Variants in USH2A observed in about 807,000 individuals in gnomAD.
USH2A encodes Usher syndrome 2A (autosomal recessive, mild).
USH2A carries 443 observed loss-of-function variants against 538.9 expected under a neutral mutation model. The ratio of observed to expected loss-of-function variants is 0.82; its 90% CI spans 0.76 to 0.89. The LOEUF is 0.89. USH2A is among the 40% of genes least tolerant of loss of function. USH2A has a pLI of 0.00. For missense variants in USH2A, 6,633 were observed against 6,324.8 expected, an observed-to-expected ratio of 1.05 and a Z score of -1.65; for synonymous variants, 2,413 against 2,273.5, an observed-to-expected ratio of 1.06 and a Z score of -1.75.
At chr1:215,776,676 G>T (rs1256781844) in intron 55 of USH2A, among the ~76,000 whole-genome samples, 1 of 152,028 alleles carries the variant, frequency 6.6e-6, no homozygotes, top group East Asian at 1.9e-4. Flanking sequence ...TATCCTAGGG[G>T]GTTCAGGCAG....
At chr1:215,705,883 C>A (rs755073189) in intron 61 of USH2A, among the ~76,000 whole-genome samples, 1 of 152,224 alleles carries the variant, frequency 6.6e-6, no homozygotes. Context: ...CATCTGACTA[C>A]TATATTCAGT....
chr1:215,763,838 A>G (rs1008120111), intron 56 of USH2A, among the ~76,000 whole-genome samples: 3 of 152,148 alleles, frequency 2.0e-5, no homozygotes, highest in African/African-American at 7.2e-5. Context: ...GCAGTGTTAA[A>G]AGGGACGGGA....
intron 9 of USH2A, among the ~76,000 whole-genome samples, chr1:216,312,192 A>C (rs750850041): frequency 2.6e-5 from 4 of 151,712 alleles, no homozygotes; most frequent in African/African-American, 7.3e-5. Context: ...TTCTGTCAAC[A>C]CCTAACTATT....
intron 64 of USH2A, among the ~76,000 whole-genome samples, chr1:215,655,157 C>T (rs4655413): frequency 0.22 from 32,877 of 152,134 alleles, 4,479 homozygotes; most frequent in South Asian, 0.52. Context: ...GCGCTTTTTA[C>T]ACCCAATATT....
intron 38 of USH2A, among the ~76,000 whole-genome samples, chr1:215,914,069 T>C (rs75325742): frequency 3.8e-5 from 1 of 26,154 alleles, no homozygotes; most frequent in Non-Finnish European, 1.0e-4. Context: ...AGCAACAGAC[T>C]TTTTTTTTTT....
At chr1:216,013,411 T>G (rs1352303874) in intron 32 of USH2A, among the ~76,000 whole-genome samples, 4 of 151,414 alleles carry the variant, frequency 2.6e-5, no homozygotes, top group East Asian at 3.9e-4. Context: ...TCCCAACACT[T>G]TACCACTATT....
In USH2A at chr1:215,891,303, C is replaced by T. The variant is rs1571786371; in HGVS notation, c.7595-2249G>A. Among the ~76,000 whole-genome samples, 3 of 152,272 alleles carry T rather than the reference C, an allele frequency of 2.0e-5. No individual in the cohort carries two copies. In the East Asian group the frequency reaches 5.8e-4, roughly 29 times the overall value. Reference sequence around the variant, plus strand: ...CTGCTCTGGCTGAGTAGATTCGCTGCTCTTGTTGCAGAAGGGTCCTTTAAC... The same window carrying T: ...CTGCTCTGGCTGAGTAGATTCGCTGTTCTTGTTGCAGAAGGGTCCTTTAAC... On this transcript the variant is annotated intron_variant, in intron 40 of 71. Coordinates refer to ENST00000307340, the MANE Select transcript of USH2A (RefSeq NM_206933.4).
At chr1:215,883,578 A>G (rs1664973486) in intron 41 of USH2A, among the ~76,000 whole-genome samples, 1 of 152,098 alleles carries the variant, frequency 6.6e-6, no homozygotes, top group African/African-American at 2.4e-5. Context: ...ATAATATGAT[A>G]TGATAAAGGG....
intron 32 of USH2A, among the ~76,000 whole-genome samples, chr1:216,044,419 T>C (rs1167519881): frequency 6.6e-6 from 1 of 152,174 alleles, no homozygotes; most frequent in Non-Finnish European, 1.5e-5. Flanking sequence ...ATGTAATATA[T>C]GTAAAGTTCC....
chr1:215,899,704 T>C (rs1665440541), intron 40 of USH2A, among the ~76,000 whole-genome samples: 1 of 152,138 alleles, frequency 6.6e-6, no homozygotes, highest in African/African-American at 2.4e-5. Context: ...GTAAGGTCCA[T>C]ATTTCATTTT....
chr1:216,215,261 A>G (rs575905588), intron 15 of USH2A, among the ~76,000 whole-genome samples: 63 of 152,254 alleles, frequency 4.1e-4, no homozygotes, highest in African/African-American at 1.4e-3. Context: ...GGGGTGGGGT[A>G]CCATGAGAAA....
At position 216,190,420 on chromosome 1, in the gene USH2A, G is replaced by A; in HGVS notation, c.4252-53C>T. The stretch of plus-strand genomic sequence containing the variant: ...GAAAGAAAGATAATAGGTAATCAGT[G>A]TGAAAATATAACCTTGGCAGTCAAA... On this transcript the variant is annotated intron_variant, in intron 19 of 71. Coordinates refer to ENST00000307340, the MANE Select transcript of USH2A (RefSeq NM_206933.4). 1.9e-6 allele frequency: 3 copies of A among 1,589,138 alleles called. No homozygotes were observed. In the East Asian group the frequency reaches 6.8e-5, roughly 36 times the overall value.
chr1:216,216,458 G>T (rs2035343368), intron 15 of USH2A, among the ~76,000 whole-genome samples: 1 of 151,952 alleles, frequency 6.6e-6, no homozygotes. Flanking sequence ...AATGTAGATA[G>T]CAGAGTTCCA....
intron 47 of USH2A, among the ~76,000 whole-genome samples, chr1:215,835,926 A>G (rs1392351560): frequency 6.6e-6 from 1 of 151,758 alleles, no homozygotes; most frequent in African/African-American, 2.4e-5. Flanking sequence ...ACTCTTTTTA[A>G]TGTTTCTGTC....
intron 19 of USH2A, among the ~76,000 whole-genome samples, chr1:216,195,236 G>C (rs541287455): frequency 6.6e-6 from 1 of 152,118 alleles, no homozygotes; most frequent in South Asian, 2.1e-4. Flanking sequence ...TCTGAGATTG[G>C]GTATAAGCAG....
intron 13 of USH2A, among the ~76,000 whole-genome samples, chr1:216,244,069 C>A (rs1280585869): frequency 6.8e-6 from 1 of 147,126 alleles, no homozygotes; most frequent in Non-Finnish European, 1.5e-5. Flanking sequence ...CACTGATGCT[C>A]ATGTCAACTT....
At chr1:216,146,052 A>T (rs537036462) in intron 21 of USH2A, among the ~76,000 whole-genome samples, 133 of 152,258 alleles carry the variant, frequency 8.7e-4, no homozygotes, top group Non-Finnish European at 1.5e-3. Context: ...ACGCGCATGA[A>T]ATTTGGTGCT....
At chr1:216,298,911 G>A (rs2037158699) in intron 9 of USH2A, among the ~76,000 whole-genome samples, 1 of 151,416 alleles carries the variant, frequency 6.6e-6, no homozygotes, top group East Asian at 1.9e-4. Context: ...CGCAATCTTG[G>A]CTCACTGCAA....
intron 13 of USH2A, among the ~76,000 whole-genome samples, chr1:216,240,434 T>A (rs562704275): frequency 6.6e-6 from 1 of 151,832 alleles, no homozygotes; most frequent in South Asian, 2.1e-4. Flanking sequence ...TTTGCAGATT[T>A]TCTCAGAACA....
Sources: gnomAD v4.1 joint callset for allele counts (sites outside exome capture counted in the v4.1 genomes callset) on GRCh38, gnomAD v4.1.1 for gene constraint, MANE v1.5 for transcripts, NCBI Gene and HGNC (gene_info 2026-07-23, HGNC 2026-07-21) for gene names.